PTPRG: variants seen among roughly 807,000 people sequenced by gnomAD.
PTPRG encodes the protein receptor-type tyrosine-protein phosphatase gamma.
PTPRG carries 102 observed loss-of-function variants against 165.3 expected under a neutral mutation model. The observed-to-expected ratio is 0.62, with a 90% CI of 0.53 to 0.73. The LOEUF is 0.73. PTPRG is among the 30% of genes least tolerant of loss of function. The pLI is 0.00. For synonymous variants in PTPRG, 675 were observed against 669.5 expected (o/e 1.01, Z -0.13); for missense variants, 1,866 against 1,861.4 (o/e 1.00, Z -0.05).
intron 2 of PTPRG, among the ~76,000 whole-genome samples, chr3:61,853,980 C>A (rs745378378): frequency 6.6e-6 from 1 of 152,140 alleles, no homozygotes; most frequent in Admixed American, 6.5e-5. Context: ...ATGGCCACAT[C>A]AAAGTCCTTC....
chr3:61,995,166 G>A (rs1200800295), intron 3 of PTPRG, among the ~76,000 whole-genome samples: 1 of 134,356 alleles, frequency 7.4e-6, no homozygotes, highest in Non-Finnish European at 1.5e-5. Flanking sequence ...TTGGTTCACT[G>A]CAACCTCCGT....
At chr3:61,806,045 A>G (rs542136547) in intron 2 of PTPRG, among the ~76,000 whole-genome samples, 327 of 152,298 alleles carry the variant, frequency 2.1e-3, no homozygotes, top group Non-Finnish European at 2.6e-3. Context: ...TGGTGGGATG[A>G]TTGCTAAAGT....
At chr3:61,604,361 T>A (rs1302749110) in intron 1 of PTPRG, among the ~76,000 whole-genome samples, 2 of 152,128 alleles carry the variant, frequency 1.3e-5, no homozygotes, top group African/African-American at 2.4e-5. Context: ...TAACATATCT[T>A]GTTCTTTGAT....
chr3:61,645,832 T>G (rs1207132133), intron 1 of PTPRG, among the ~76,000 whole-genome samples: 1 of 152,216 alleles, frequency 6.6e-6, no homozygotes, highest in Non-Finnish European at 1.5e-5. Context: ...GACTGTAGTT[T>G]GCCAATACCA....
intron 4 of PTPRG, among the ~76,000 whole-genome samples, chr3:62,061,605 A>T (rs1700813691): frequency 6.6e-6 from 1 of 150,804 alleles, no homozygotes; most frequent in South Asian, 2.1e-4. Context: ...AGCCTAAAAA[A>T]CATTACTTGG....
chr3:62,196,615 A>C (rs919338780), intron 10 of PTPRG, among the ~76,000 whole-genome samples: 1 of 152,122 alleles, frequency 6.6e-6, no homozygotes, highest in Admixed American at 6.5e-5. Context: ...GTTTGATGAC[A>C]GGCCTTAAGA....
intron 2 of PTPRG, among the ~76,000 whole-genome samples, chr3:61,812,140 A>G (rs1407463327): frequency 6.6e-6 from 1 of 152,170 alleles, no homozygotes; most frequent in East Asian, 1.9e-4. Flanking sequence ...GTACCCCAAT[A>G]TAACGCATTC....
intron 5 of PTPRG, among the ~76,000 whole-genome samples, chr3:62,130,014 A>G (rs1017091873): frequency 1.3e-4 from 20 of 152,238 alleles, no homozygotes; most frequent in African/African-American, 4.8e-4. Flanking sequence ...CAACTCATGG[A>G]AACTAATGGC....
intron 1 of PTPRG, among the ~76,000 whole-genome samples, chr3:61,611,304 ATCCC>A (rs1248698120): frequency 6.6e-6 from 1 of 152,210 alleles, no homozygotes; most frequent in Non-Finnish European, 1.5e-5. Context: ...GTGAATAACC[ATCCC>A]TCAGAACCTT....
intron 1 of PTPRG, among the ~76,000 whole-genome samples, chr3:61,662,839 T>C (rs142314397): frequency 4.8e-4 from 73 of 152,316 alleles, no homozygotes; most frequent in African/African-American, 1.7e-3. Context: ...CTAAGACTTA[T>C]TGATGGTGAT....
At chr3:61,821,146 C>T (rs1055597544) in intron 2 of PTPRG, among the ~76,000 whole-genome samples, 10 of 151,874 alleles carry the variant, frequency 6.6e-5, no homozygotes, top group Admixed American at 2.6e-4. Context: ...TAGTTATGAT[C>T]AGTTCTCATT....
intron 2 of PTPRG, among the ~76,000 whole-genome samples, chr3:61,870,073 A>G (rs1441156009): frequency 2.0e-5 from 3 of 151,542 alleles, no homozygotes; most frequent in Admixed American, 2.0e-4. Context: ...TCCCAGTACC[A>G]TCACCTTGGG....
intron 8 of PTPRG, among the ~76,000 whole-genome samples, chr3:62,170,874 A>T (rs970490521): frequency 6.6e-5 from 10 of 152,158 alleles, no homozygotes; most frequent in African/African-American, 2.2e-4. Context: ...AGCACACCTG[A>T]GTAACAAGCA....
At chr3:61,775,549 C>T (rs1464362829) in intron 2 of PTPRG, among the ~76,000 whole-genome samples, 1 of 151,920 alleles carries the variant, frequency 6.6e-6, no homozygotes, top group Non-Finnish European at 1.5e-5. Flanking sequence ...ATAATTTAGT[C>T]GATATTAAAA....
intron 1 of PTPRG, among the ~76,000 whole-genome samples, chr3:61,602,293 A>G (rs1700890788): frequency 6.6e-6 from 1 of 152,140 alleles, no homozygotes; most frequent in Non-Finnish European, 1.5e-5. Flanking sequence ...TGTTGATTAA[A>G]CAAGAAGGAA....
At chr3:61,743,072 C>G (rs1455311216) in intron 1 of PTPRG, 1 of 1,591,680 alleles carries the variant, frequency 6.3e-7, no homozygotes, top group African/African-American at 1.3e-5. Flanking sequence ...TCCCGCACCG[C>G]CTCGTACAGG....
At chr3:62,110,338 G>C (rs1702624859) in intron 5 of PTPRG, among the ~76,000 whole-genome samples, 1 of 151,994 alleles carries the variant, frequency 6.6e-6, no homozygotes, top group Non-Finnish European at 1.5e-5. Context: ...CAGCTATTTT[G>C]TTCAGCATGC....
At chr3:61,797,910 TG>T in intron 2 of PTPRG, among the ~76,000 whole-genome samples, 1 of 139,282 alleles carries the variant, frequency 7.2e-6, no homozygotes, top group South Asian at 2.4e-4. Context: ...GAGAAAAAAA[TG>T]AAAAAAACAA....
intron 5 of PTPRG, among the ~76,000 whole-genome samples, 168 bp downstream of exon 5, chr3:62,078,426 T>G (rs1446887304): frequency 6.6e-6 from 1 of 152,210 alleles, no homozygotes; most frequent in Non-Finnish European, 1.5e-5. Context: ...ATAAGTATGT[T>G]TAGAAACATA....
Sources: allele counts gnomAD v4.1 joint callset (sites outside exome capture counted in the v4.1 genomes callset), GRCh38; gene constraint gnomAD v4.1.1; transcripts MANE v1.5; gene names NCBI Gene and HGNC (gene_info 2026-07-23, HGNC 2026-07-21).